FAM20C: variants seen among roughly 807,000 people sequenced by gnomAD.
FAM20C encodes extracellular serine/threonine protein kinase FAM20C.
A neutral mutation model predicts 51.5 loss-of-function variants in FAM20C; 40 were observed. That is an observed-to-expected ratio of 0.78 (90% CI 0.60 to 1.01). The LOEUF is 1.01. Ranked by LOEUF, FAM20C falls within the 50% of genes least tolerant of loss-of-function variation. The pLI, the probability that FAM20C is intolerant of heterozygous loss-of-function variation, is 0.00. For missense variants in FAM20C, 861 were observed against 844.7 expected (o/e 1.02, Z -0.24); for synonymous variants, 406 against 380.6 (o/e 1.07, Z -0.78).
At chr7:256,475 G>A (rs916822124) in intron 6 of FAM20C, 179 bp from the exon 7 acceptor site, 9 of 616,940 alleles carry the variant, frequency 1.5e-5, no homozygotes, top group East Asian at 8.3e-5. Flanking sequence ...AGGGCAGAGC[G>A]GCTCCGTCCC....
chr7:236,697 C>T (rs956609864), intron 3 of FAM20C, among the ~76,000 whole-genome samples: 12,185 of 134,054 alleles, frequency 0.091, 1,620 homozygotes, highest in African/African-American at 0.32. Flanking sequence ...GGTTGATGGT[C>T]GGGGTTTCAT....
chr7:218,915 C>T (rs958632902), intron 3 of FAM20C, among the ~76,000 whole-genome samples: 7 of 151,980 alleles, frequency 4.6e-5, no homozygotes, highest in Non-Finnish European at 8.8e-5. Flanking sequence ...GCACAGATCA[C>T]TCCCGTCCGG....
Position 255,869 on chromosome 7 carries a change from G to A in FAM20C, c.1093G>A (p.Gly365Ser), listed in dbSNP as rs267606795. ...CCCAGCCAACAACATCTGCTTCTAC[G>A]GCGAGTGTTCCTACTACTGCTCCAC... ...ISPANNICFY[G>S]ECSYYCSTEH... Residue 365 changes from glycine to serine, a missense_variant, in exon 6 of 10, where the codon GGC becomes AGC. Coordinates refer to ENST00000313766, the MANE Select transcript of FAM20C (RefSeq NM_020223.4). 2.6e-6 allele frequency: 4 copies of A among 1,536,232 alleles called. No individual in the cohort carries two copies. The highest frequency in any genetic ancestry group is 1.4e-5 in the African/African-American group (1 of 73,010).
chr7:257,829 GATGGGCAGGGTGGACCCA>G (rs1788657351), intron 8 of FAM20C, among the ~76,000 whole-genome samples: 1 of 126,872 alleles, frequency 7.9e-6, no homozygotes, highest in African/African-American at 3.0e-5. Context: ...GGGTGCTGGA[GATGGGCAGGGTGGACCCA>G]CTGCCTGGGG....
In FAM20C at chr7:260,028, C is replaced by T. The variant is rs1562403505; in HGVS notation, c.*48C>T. ...CCGGGACGGAGACAGAGGCGCCGGA[C>T]CTCCCAGCAAGCGCATGCGCCCGTC... is the stretch of plus-strand genomic sequence containing the variant. On this transcript the variant is annotated 3_prime_UTR_variant, in exon 10 of 10. Transcript: ENST00000313766. The T allele has an allele frequency of 6.9e-7, 1 of 1,454,660 alleles. No homozygotes were observed. The highest frequency in any genetic ancestry group is 2.3e-5 in the Admixed American group (1 of 43,492). 90.1% of individuals were successfully genotyped at this position (1,454,660 alleles called of 1,614,324 possible).
chr7:207,005 T>C (rs1163260491), intron 2 of FAM20C, among the ~76,000 whole-genome samples: 13 of 41,352 alleles, frequency 3.1e-4, no homozygotes, highest in African/African-American at 1.1e-3. Flanking sequence ...TCGGTCACTG[T>C]CCCCTCGGCC....
intron 3 of FAM20C, among the ~76,000 whole-genome samples, chr7:234,059 G>T (rs1363730317): frequency 6.6e-6 from 1 of 152,214 alleles, no homozygotes; most frequent in African/African-American, 2.4e-5. Flanking sequence ...TGCCCCCCTG[G>T]GGGCTGCCTT....
intron 5 of FAM20C, 61 bp from the exon 6 acceptor site, chr7:255,788 G>T: frequency 1.3e-6 from 2 of 1,525,276 alleles, no homozygotes; most frequent in South Asian, 2.4e-5. Flanking sequence ...GGGGCCGTGA[G>T]ACCACAGGTG....
chr7:251,410 C>T (rs1486981699), intron 5 of FAM20C, among the ~76,000 whole-genome samples: 1 of 152,074 alleles, frequency 6.6e-6, no homozygotes, highest in African/African-American at 2.4e-5. Flanking sequence ...TCCAGCAACT[C>T]AGGAGGCTGA....
chr7:254,019 C>G (rs1788501276), intron 5 of FAM20C, among the ~76,000 whole-genome samples: 1 of 152,054 alleles, frequency 6.6e-6, no homozygotes, highest in Non-Finnish European at 1.5e-5. Flanking sequence ...TTTCCTTGAT[C>G]GTTCGTTCTT....
intron 3 of FAM20C, among the ~76,000 whole-genome samples, chr7:242,116 G>A (rs1367620847): frequency 6.6e-6 from 1 of 152,150 alleles, no homozygotes; most frequent in Non-Finnish European, 1.5e-5. Flanking sequence ...ACATCCCATT[G>A]TACTTCGCCT....
intron 2 of FAM20C, among the ~76,000 whole-genome samples, chr7:207,753 G>A (rs777086346): frequency 2.4e-4 from 37 of 152,212 alleles, no homozygotes; most frequent in Non-Finnish European, 4.4e-4. Context: ...TCCACAGCGC[G>A]TGACAATCTC....
In FAM20C at chr7:250,559, T is replaced by G. The variant is rs144862078; in HGVS notation, c.1072+2129T>G. On this transcript the variant is annotated intron_variant, in intron 5 of 9. Coordinates refer to ENST00000313766, the MANE Select transcript of FAM20C (RefSeq NM_020223.4). ...CAATTCAGTCCCTGTTTGGATGGCT[T>G]GAGCTGTCCATCTTTTTTAAGGGGC... Among the ~76,000 whole-genome samples the G allele has an allele frequency of 1.3e-4, 20 of 152,290 alleles. No individual in the cohort carries two copies. In the East Asian group the frequency reaches 3.5e-3, roughly 27 times the overall value.
intron 3 of FAM20C, among the ~76,000 whole-genome samples, chr7:235,504 T>A (rs1005859397): frequency 6.6e-6 from 1 of 152,164 alleles, no homozygotes; most frequent in African/African-American, 2.4e-5. Context: ...ATAGTCAGCT[T>A]GTTTGTTTTA....
At chr7:253,896 T>C (rs1788495990) in intron 5 of FAM20C, among the ~76,000 whole-genome samples, 1 of 152,228 alleles carries the variant, frequency 6.6e-6, no homozygotes, top group Non-Finnish European at 1.5e-5. Flanking sequence ...CAATGAGCGC[T>C]CAGATGAAGA....
intron 3 of FAM20C, among the ~76,000 whole-genome samples, chr7:220,437 TACGCAGGA>T (rs1787207523): frequency 6.6e-6 from 1 of 151,732 alleles, no homozygotes; most frequent in Admixed American, 6.5e-5. Flanking sequence ...CGTGAACAAA[TACGCAGGA>T]ACGTTTCAGA....
intron 3 of FAM20C, among the ~76,000 whole-genome samples, chr7:234,020 C>T (rs1787776542): frequency 6.6e-6 from 1 of 152,192 alleles, no homozygotes; most frequent in African/African-American, 2.4e-5. Context: ...GGGCAGACCC[C>T]AGAAGATGTG....
chr7:252,094 T>C (rs897896600), intron 5 of FAM20C, among the ~76,000 whole-genome samples: 1 of 152,236 alleles, frequency 6.6e-6, no homozygotes, highest in Non-Finnish European at 1.5e-5. Context: ...TCAGATTCGT[T>C]TGCTCCACTT....
chr7:234,497 T>C (rs1253843568), intron 3 of FAM20C, among the ~76,000 whole-genome samples: 1 of 152,130 alleles, frequency 6.6e-6, no homozygotes, highest in Non-Finnish European at 1.5e-5. Flanking sequence ...GGGACTCCTC[T>C]GAGCCCTGGT....
Sources: allele counts gnomAD v4.1 joint callset (sites outside exome capture counted in the v4.1 genomes callset), GRCh38; gene constraint gnomAD v4.1.1; transcripts MANE v1.5; gene names NCBI Gene and HGNC (gene_info 2026-07-23, HGNC 2026-07-21).